The following PRKAG2 variants were observed in gnomAD, a reference collection of about 807,000 sequenced individuals.
PRKAG2 encodes protein kinase AMP-activated non-catalytic subunit gamma 2.
PRKAG2 carries 26 observed loss-of-function variants against 69.6 expected under a neutral mutation model. The ratio of observed to expected loss-of-function variants is 0.37; its 90% CI spans 0.27 to 0.52. PRKAG2 has a LOEUF of 0.52. PRKAG2 is among the 20% of genes least tolerant of loss of function. PRKAG2 has a pLI of 0.90. For missense variants in PRKAG2, 557 were observed against 740.0 expected (o/e 0.75, Z 2.87); for synonymous variants, 293 against 285.0 (o/e 1.03, Z -0.28).
intron 3 of PRKAG2, among the ~76,000 whole-genome samples, chr7:151,734,586 G>C (rs1799461448): frequency 6.6e-6 from 1 of 152,178 alleles, no homozygotes; most frequent in Admixed American, 6.5e-5. Context: ...GTCTAGCTTT[G>C]TCACCCAGGC....
chr7:151,838,501 G>A (rs1376153139), intron 1 of PRKAG2, among the ~76,000 whole-genome samples: 1 of 151,372 alleles, frequency 6.6e-6, no homozygotes, highest in Admixed American at 6.6e-5. Flanking sequence ...TGAGCCCAGG[G>A]GTTGGAGATC....
chr7:151,650,066 A>T (rs996149741), intron 4 of PRKAG2, among the ~76,000 whole-genome samples: 1 of 152,180 alleles, frequency 6.6e-6, no homozygotes, highest in Admixed American at 6.5e-5. Flanking sequence ...AAAATTAAAA[A>T]GAAAATTAGC....
chr7:151,790,862 G>A (rs1456146788), intron 1 of PRKAG2, among the ~76,000 whole-genome samples: 5 of 152,224 alleles, frequency 3.3e-5, no homozygotes, highest in Non-Finnish European at 5.9e-5. Flanking sequence ...TGAGGCCGAG[G>A]AGGTTCAAAG....
chr7:151,705,912 C>A (rs1311569923), intron 3 of PRKAG2, among the ~76,000 whole-genome samples: 1 of 152,016 alleles, frequency 6.6e-6, no homozygotes, highest in African/African-American at 2.4e-5. Context: ...TTTCACATCC[C>A]CCCGCCCCCC....
chr7:151,866,707 T>C (rs1364994722), intron 1 of PRKAG2, among the ~76,000 whole-genome samples: 2 of 152,146 alleles, frequency 1.3e-5, no homozygotes, highest in Non-Finnish European at 2.9e-5. Flanking sequence ...CACCACCCCA[T>C]GGCTGCTGGC....
intron 3 of PRKAG2, among the ~76,000 whole-genome samples, chr7:151,753,418 T>C (rs1255391659): frequency 6.6e-6 from 1 of 152,176 alleles, no homozygotes; most frequent in African/African-American, 2.4e-5. Context: ...TCTCAGGGGT[T>C]CAGAATTCAT....
At chr7:151,871,128 G>C (rs911599126) in intron 1 of PRKAG2, among the ~76,000 whole-genome samples, 3 of 152,338 alleles carry the variant, frequency 2.0e-5, no homozygotes, top group Non-Finnish European at 4.4e-5. Context: ...CGACATGGCA[G>C]CCAGCCTTGA....
chr7:151,789,268 C>T (rs1174998675), intron 1 of PRKAG2, among the ~76,000 whole-genome samples: 2 of 152,140 alleles, frequency 1.3e-5, no homozygotes, highest in Non-Finnish European at 2.9e-5. Flanking sequence ...TTAACAATAT[C>T]GCCTCCCAAT....
chr7:151,634,541 G>A (rs1223497454), intron 4 of PRKAG2, among the ~76,000 whole-genome samples: 3 of 152,300 alleles, frequency 2.0e-5, no homozygotes, highest in Middle Eastern at 3.4e-3. Context: ...GAAAATACTT[G>A]CAAATCACAT....
chr7:151,754,377 G>A (rs2074923171), intron 3 of PRKAG2, among the ~76,000 whole-genome samples: 1 of 152,202 alleles, frequency 6.6e-6, no homozygotes, highest in African/African-American at 2.4e-5. Context: ...CTTTCTTTGT[G>A]GGCAGGCAAG....
chr7:151,802,447 A>C (rs2077887540), intron 1 of PRKAG2, among the ~76,000 whole-genome samples: 1 of 152,158 alleles, frequency 6.6e-6, no homozygotes, highest in South Asian at 2.1e-4. Flanking sequence ...CTAATCTGGG[A>C]GACAGCCTTT....
At chr7:151,821,091 C>T (rs1410907205) in intron 1 of PRKAG2, among the ~76,000 whole-genome samples, 2 of 44,638 alleles carry the variant, frequency 4.5e-5, no homozygotes, top group African/African-American at 9.1e-5. Context: ...AGAGTCCACA[C>T]AACATCGTGT....
intron 4 of PRKAG2, among the ~76,000 whole-genome samples, chr7:151,653,159 A>G (rs1368090178): frequency 6.7e-6 from 1 of 149,114 alleles, no homozygotes; most frequent in Non-Finnish European, 1.5e-5. Context: ...CCAAATTTCT[A>G]CTACCTTCTA....
intron 3 of PRKAG2, among the ~76,000 whole-genome samples, chr7:151,762,413 G>A (rs951587065): frequency 6.6e-6 from 1 of 152,164 alleles, no homozygotes; most frequent in Non-Finnish European, 1.5e-5. Context: ...TAAGCTTAAG[G>A]AGCAGGTAGG....
At chr7:151,648,902 G>A (rs1469619470) in intron 4 of PRKAG2, among the ~76,000 whole-genome samples, 1 of 115,574 alleles carries the variant, frequency 8.7e-6, no homozygotes, top group African/African-American at 4.2e-5. Flanking sequence ...GAGAGGACCA[G>A]GATTTTTTTT....
chr7:151,799,879 G>A (rs1211431540), intron 1 of PRKAG2, among the ~76,000 whole-genome samples: 20 of 152,128 alleles, frequency 1.3e-4, no homozygotes, highest in Non-Finnish European at 2.2e-4. Flanking sequence ...ACCTCACACC[G>A]GCCAAAATCC....
intron 3 of PRKAG2, among the ~76,000 whole-genome samples, chr7:151,762,121 G>A (rs1446816109): frequency 2.6e-5 from 4 of 152,192 alleles, no homozygotes; most frequent in Non-Finnish European, 1.5e-5. Flanking sequence ...AGTCTGCTGC[G>A]CACCTCAGCG....
chr7:151,831,191 G>A (rs1009225758), intron 1 of PRKAG2, among the ~76,000 whole-genome samples: 1 of 152,162 alleles, frequency 6.6e-6, no homozygotes, highest in Admixed American at 6.5e-5. Context: ...TGCCTCAGAA[G>A]TTAAATATAA....
chr7:151,630,255 T>C (rs543276133), intron 5 of PRKAG2, among the ~76,000 whole-genome samples: 1 of 152,172 alleles, frequency 6.6e-6, no homozygotes. Flanking sequence ...TATATCTGCT[T>C]AGAGAAATGC....
Sources: gnomAD v4.1 joint callset for allele counts (sites outside exome capture counted in the v4.1 genomes callset) on GRCh38, gnomAD v4.1.1 for gene constraint, MANE v1.5 for transcripts, NCBI Gene and HGNC (gene_info 2026-07-23, HGNC 2026-07-21) for gene names.